The following GTF2A1L variants were observed in gnomAD, a reference collection of about 807,000 sequenced individuals.
GTF2A1L encodes TFIIA-alpha and beta-like factor.
A neutral mutation model predicts 49.7 loss-of-function variants in GTF2A1L; 48 were observed. The observed-to-expected ratio is 0.97, with a 90% CI of 0.77 to 1.23. The LOEUF (loss-of-function observed/expected upper bound fraction) is 1.23, where lower values mean the gene tolerates loss of function less well. GTF2A1L is among the 50% of genes most tolerant of loss of function. GTF2A1L has a pLI of 0.00. For synonymous variants in GTF2A1L, 246 were observed against 193.5 expected, an observed-to-expected ratio of 1.27 and a Z score of -2.25; for missense variants, 736 against 564.8, an observed-to-expected ratio of 1.30 and a Z score of -3.07.
intron 7 of GTF2A1L, among the ~76,000 whole-genome samples, chr2:48,671,052 C>T (rs1679138206): frequency 6.6e-6 from 1 of 152,008 alleles, no homozygotes; most frequent in Non-Finnish European, 1.5e-5. Context: ...GAACTCCTGG[C>T]CTCAAGTGAT....
rs1325917115 is a variant in GTF2A1L, at chr2:48,625,464, C to A, written c.247+4174C>A. ...TTTTAATATATTTTGGATATTAAGC[C>A]CTTTATCAGATATATGGTTTGCAAA... On this transcript the variant is annotated intron_variant, in intron 3 of 8. Transcript: ENST00000403751. 4.2e-5 allele frequency among the ~76,000 whole-genome samples: 6 copies of A among 143,806 alleles called. 1 individual carries two copies. Among genetic ancestry groups the A allele is most frequent in the Non-Finnish European group, 9.4e-5 (6 of 63,944 alleles). 94.3% of individuals were successfully genotyped at this position (143,806 alleles called of 152,430 possible).
In GTF2A1L at chr2:48,645,092, A is replaced by G. The variant is rs755295242; in HGVS notation, c.363A>G (p.Ala121=). The part of the protein sequence containing the change: ...TFPGYPIHVP[A]GVTLQTVSGH... ...CTGGTTATCCCATTCATGTACCAGCAGGTGTGACACTACAGACTGTATCTG... is the reference window on the plus strand; with the variant it reads ...CTGGTTATCCCATTCATGTACCAGCGGGTGTGACACTACAGACTGTATCTG... The change falls in exon 5 of 9, where the codon GCA becomes GCG. Residue 121 remains alanine (A), a synonymous_variant. Transcript: ENST00000403751. 3.1e-6 allele frequency: 5 copies of G among 1,612,740 alleles called. No homozygotes were observed. The highest frequency in any genetic ancestry group is 3.3e-5 in the Admixed American group (2 of 59,846).
intron 3 of GTF2A1L, among the ~76,000 whole-genome samples, chr2:48,633,707 T>G (rs556990415): frequency 1.3e-5 from 2 of 152,312 alleles, no homozygotes; most frequent in African/African-American, 4.8e-5. Context: ...GCCTCGATGA[T>G]CTAATGTTTT....
At chr2:48,671,339 A>T (rs1164436855) in intron 7 of GTF2A1L, among the ~76,000 whole-genome samples, 1 of 151,904 alleles carries the variant, frequency 6.6e-6, no homozygotes, top group East Asian at 1.9e-4. Flanking sequence ...AGTAGCTGGG[A>T]TTACAGGTGT....
intron 8 of GTF2A1L, 103 bp from the exon 9 acceptor site, chr2:48,679,232 C>G: frequency 6.9e-7 from 1 of 1,440,580 alleles, no homozygotes; most frequent in Non-Finnish European, 9.2e-7. Flanking sequence ...TTTTAAGGCA[C>G]TCACATTTCG....
Position 48,648,922 on chromosome 2 carries a change from G to A in GTF2A1L, c.978+1880G>A, listed in dbSNP as rs183334411. ...GGTTTATGCTGAACTAATTTTCAAA[G>A]ACTTTACAAGTAGTTTTTCTTTTTA... On this transcript the variant is annotated intron_variant, in intron 6 of 8. Transcript: ENST00000403751. Among the ~76,000 whole-genome samples the A allele has an allele frequency of 4.5e-3, 692 of 152,210 alleles. 2 individuals carry two copies. The highest frequency in any genetic ancestry group is 7.3e-3 in the Non-Finnish European group (495 of 67,980).
chr2:48,664,514 A>G (rs1486912644), intron 6 of GTF2A1L, among the ~76,000 whole-genome samples: 3 of 152,088 alleles, frequency 2.0e-5, no homozygotes, highest in Admixed American at 2.0e-4. Flanking sequence ...CATGAGGAGT[A>G]CTGGTCTGTA....
At chr2:48,660,964 C>G (rs1678461080) in intron 6 of GTF2A1L, among the ~76,000 whole-genome samples, 1 of 152,066 alleles carries the variant, frequency 6.6e-6, no homozygotes, top group Admixed American at 6.6e-5. Context: ...TTAGTTGAGT[C>G]TTCTCTTCTT....
At chr2:48,672,255 G>C (rs1458539240) in intron 8 of GTF2A1L, among the ~76,000 whole-genome samples, 1 of 152,200 alleles carries the variant, frequency 6.6e-6, no homozygotes, top group East Asian at 1.9e-4. Flanking sequence ...GATGTAGTAT[G>C]TACAAGGGAC....
intron 8 of GTF2A1L, among the ~76,000 whole-genome samples, chr2:48,678,248 G>T (rs938895172): frequency 3.3e-5 from 5 of 151,810 alleles, no homozygotes; most frequent in Non-Finnish European, 2.9e-5. Flanking sequence ...TCCTAATGCT[G>T]CTTATATTTT....
In GTF2A1L at chr2:48,645,070, G is replaced by A. The variant is rs757568516; in HGVS notation, c.341G>A (p.Gly114Asp). The part of the protein sequence containing the change: ...SNSSANFTFP[G>D]YPIHVPAGVT... ...TCCAGTGCAAACTTTACTTTTCCTG[G>A]TTATCCCATTCATGTACCAGCAGGT... Residue 114 changes from glycine (G) to aspartate (D), a missense_variant, in exon 5 of 9, where the codon GGT becomes GAT. Transcript: ENST00000403751. The A allele has an allele frequency of 1.2e-6, 2 of 1,612,590 alleles. No individual in the cohort carries two copies. The highest frequency in any genetic ancestry group is 1.7e-6 in the Non-Finnish European group (2 of 1,179,440).
In GTF2A1L at chr2:48,620,861, A is replaced by T; in HGVS notation, c.32A>T (p.Tyr11Phe). The T allele has an allele frequency of 1.3e-6, 2 of 1,564,286 alleles. No individual in the cohort carries two copies. Residue 11 changes from tyrosine (Y) to phenylalanine (F), a missense_variant, in exon 2 of 9, where the codon TAC (tyrosine) becomes TTC (phenylalanine). Tyr to Phe is a conservative substitution (Grantham distance 22). Transcript: ENST00000403751. ...ATTGCTTTTATGTAGCCTAAACTCT[A>T]CAGATCTGTAATTGAAGATGTAATT... MACLNPVPKL[Y>F]RSVIEDVIEG... is the part of the protein sequence containing the mutation.
At chr2:48,676,158 G>C (rs151217740) in intron 8 of GTF2A1L, among the ~76,000 whole-genome samples, 3 of 151,524 alleles carry the variant, frequency 2.0e-5, no homozygotes, top group African/African-American at 7.3e-5. Flanking sequence ...TTTAAACAAC[G>C]TATCTGTCAG....
Position 48,644,928 on chromosome 2 carries a change from A to C in GTF2A1L, c.304-105A>C, listed in dbSNP as rs1467176345. The C allele has an allele frequency of 2.7e-4, 255 of 960,498 alleles. 1 individual carries two copies. The highest frequency in any genetic ancestry group is 2.4e-5 in the Non-Finnish European group (16 of 666,758). The allele number at this position is 960,498 out of a possible 1,614,324, so 59.5% of individuals were successfully genotyped here. The stretch of plus-strand genomic sequence containing the variant: ...TAATATTAAATGTTAAGTATTGTCA[A>C]ACTATTGTCCAGAATCAGATTTTTT... On this transcript the variant is annotated intron_variant, in intron 4 of 8. Coordinates refer to ENST00000403751, the MANE Select transcript of GTF2A1L (RefSeq NM_006872.5).
At chr2:48,663,110 T>C (rs1469933160) in intron 6 of GTF2A1L, among the ~76,000 whole-genome samples, 1 of 152,102 alleles carries the variant, frequency 6.6e-6, no homozygotes, top group East Asian at 1.9e-4. Flanking sequence ...GAGGTCTCCC[T>C]TGTAGATAGA....
intron 6 of GTF2A1L, among the ~76,000 whole-genome samples, chr2:48,662,303 G>T (rs1678553945): frequency 6.6e-6 from 1 of 152,100 alleles, no homozygotes; most frequent in Non-Finnish European, 1.5e-5. Flanking sequence ...CTAAAATTAT[G>T]TTAACACTGA....
At chr2:48,658,178 G>A (rs1259640297) in intron 6 of GTF2A1L, among the ~76,000 whole-genome samples, 1 of 152,042 alleles carries the variant, frequency 6.6e-6, no homozygotes, top group Non-Finnish European at 1.5e-5. Context: ...TATTTCCCAA[G>A]GCTGATGTCC....
chr2:48,624,233 TAAAAC>T (rs140587914), intron 3 of GTF2A1L, among the ~76,000 whole-genome samples: 1,934 of 144,416 alleles, frequency 0.013, 175 homozygotes, highest in African/African-American at 0.045. Context: ...TGTTGGAAAT[TAAAAC>T]AAAAATTTAA....
At chr2:48,664,324 T>C (rs895762658) in intron 6 of GTF2A1L, among the ~76,000 whole-genome samples, 4 of 151,622 alleles carry the variant, frequency 2.6e-5, no homozygotes, top group Non-Finnish European at 5.9e-5. Flanking sequence ...AGTTTTTTTT[T>C]TTTTAAATCA....
Sources: allele counts gnomAD v4.1 joint callset (sites outside exome capture counted in the v4.1 genomes callset), GRCh38; gene constraint gnomAD v4.1.1; transcripts MANE v1.5; gene names NCBI Gene and HGNC (gene_info 2026-07-23, HGNC 2026-07-21).